Variants in LMCD1 observed in about 807,000 individuals in gnomAD.
LMCD1 encodes the protein LIM and cysteine rich domains 1.
A neutral mutation model predicts 42.7 loss-of-function variants in LMCD1; 32 were observed. The observed-to-expected ratio is 0.75, with a 90% CI of 0.57 to 1.01. The LOEUF (loss-of-function observed/expected upper bound fraction) is 1.01. LMCD1 is among the 50% of genes least tolerant of loss of function. The probability of loss-of-function intolerance (pLI) is 0.00; values close to 1 mark genes in which losing one functional copy is unlikely to be tolerated. For missense variants in LMCD1, 458 were observed against 483.1 expected (o/e 0.95, Z 0.49); for synonymous variants, 178 against 184.9 (o/e 0.96, Z 0.30).
chr3:8,513,788 TC>T (rs1222729040), intron 1 of LMCD1, among the ~76,000 whole-genome samples: 6 of 152,228 alleles, frequency 3.9e-5, no homozygotes, highest in African/African-American at 1.4e-4. Context: ...TTGTGTCTTT[TC>T]CTCTGGAGGC....
At chr3:8,542,026 T>C (rs1247347856) in intron 3 of LMCD1, among the ~76,000 whole-genome samples, 1 of 147,964 alleles carries the variant, frequency 6.8e-6, no homozygotes, top group Non-Finnish European at 1.5e-5. Flanking sequence ...TTTTTTTTTT[T>C]GTGACTGCTT....
At chr3:8,562,137 G>A (rs1299181958) in intron 4 of LMCD1, among the ~76,000 whole-genome samples, 1 of 152,124 alleles carries the variant, frequency 6.6e-6, no homozygotes, top group Non-Finnish European at 1.5e-5. Flanking sequence ...AATCCTAACT[G>A]AAGCTGAGGA....
chr3:8,521,985 A>C (rs1364937206), intron 1 of LMCD1, among the ~76,000 whole-genome samples: 1 of 152,092 alleles, frequency 6.6e-6, no homozygotes, highest in Non-Finnish European at 1.5e-5. Flanking sequence ...CAACCCCTCA[A>C]AAGGAAGCAC....
intron 1 of LMCD1, 47 bp downstream of exon 1, chr3:8,502,027 G>GT (rs5846598): frequency 1 from 1,554,950 of 1,554,966 alleles, 777,467 homozygotes; most frequent in Middle Eastern, 1. Context: ...ACTTTTTCTT[G>GT]TTCCCCTTCC....
chr3:8,525,722 A>G (rs902037844), intron 1 of LMCD1, among the ~76,000 whole-genome samples: 2 of 152,202 alleles, frequency 1.3e-5, no homozygotes, highest in Non-Finnish European at 2.9e-5. Flanking sequence ...TATTAAGACA[A>G]TGAGCTGAGA....
intron 3 of LMCD1, among the ~76,000 whole-genome samples, chr3:8,543,610 G>A (rs1694678963): frequency 6.6e-6 from 1 of 152,194 alleles, no homozygotes; most frequent in East Asian, 1.9e-4. Flanking sequence ...AGCCACTGAA[G>A]TAGCCAGGTC....
chr3:8,518,171 C>T (rs1310085193), intron 1 of LMCD1, among the ~76,000 whole-genome samples: 2 of 152,198 alleles, frequency 1.3e-5, no homozygotes, highest in Non-Finnish European at 2.9e-5. Context: ...GCTCCCCCAA[C>T]ACTTTGTCAG....
chr3:8,538,820 C>T (rs1436808430), intron 3 of LMCD1, among the ~76,000 whole-genome samples: 4 of 152,200 alleles, frequency 2.6e-5, no homozygotes, highest in Non-Finnish European at 4.4e-5. Flanking sequence ...TAAACCGTAA[C>T]ATCCCTGCAC....
At chr3:8,545,372 G>C (rs1224550741) in intron 3 of LMCD1, among the ~76,000 whole-genome samples, 1 of 152,150 alleles carries the variant, frequency 6.6e-6, no homozygotes, top group African/African-American at 2.4e-5. Context: ...GTGAATCTCT[G>C]ACTATAACTT....
intron 2 of LMCD1, among the ~76,000 whole-genome samples, chr3:8,534,965 A>C (rs1429715100): frequency 1.3e-5 from 2 of 152,202 alleles, no homozygotes; most frequent in Non-Finnish European, 2.9e-5. Context: ...AATGTTTTGC[A>C]TTCCCAGCCT....
intron 4 of LMCD1, among the ~76,000 whole-genome samples, chr3:8,552,154 G>C (rs1376012070): frequency 6.6e-6 from 1 of 152,200 alleles, no homozygotes; most frequent in East Asian, 1.9e-4. Context: ...CCTGAACCAA[G>C]GACAGGACTA....
intron 1 of LMCD1, among the ~76,000 whole-genome samples, chr3:8,515,814 G>C (rs975780336): frequency 6.6e-6 from 1 of 152,132 alleles, no homozygotes; most frequent in African/African-American, 2.4e-5. Flanking sequence ...AACAGCTGTG[G>C]AATAGAGGAG....
chr3:8,503,648 TCA>T (rs1693814668), intron 1 of LMCD1, among the ~76,000 whole-genome samples: 1 of 152,198 alleles, frequency 6.6e-6, no homozygotes, highest in East Asian at 1.9e-4. Context: ...TGTGGGTGAC[TCA>T]TGAGAATATC....
intron 1 of LMCD1, among the ~76,000 whole-genome samples, chr3:8,527,410 G>C (rs890509633): frequency 3.3e-5 from 5 of 152,178 alleles, no homozygotes; most frequent in Non-Finnish European, 7.3e-5. Context: ...TTATACTTCA[G>C]TGGGAAGTCA....
At position 8,543,397 on chromosome 3, in the gene LMCD1, TGATAGATAGATA is replaced by T. The variant is rs57434919; in HGVS notation, c.388-5136_388-5125del. Among the ~76,000 whole-genome samples the T allele has an allele frequency of 1.4e-3, 132 of 92,874 alleles. 1 individual carries two copies. Among genetic ancestry groups the T allele is most frequent in the East Asian group, 9.3e-3 (43 of 4,632 alleles). The allele number at this position is 92,874 out of a possible 152,430, so 60.9% of individuals were successfully genotyped here. On this transcript the variant is annotated intron_variant, in intron 3 of 5. Transcript: ENST00000157600. ...AACTGCTGATAGATAGATAGATAGATGATAGATAGATAGATAGATAGATAGATAGATAGATAG... is the reference window on the plus strand; with the variant it reads ...AACTGCTGATAGATAGATAGATAGATGATAGATAGATAGATAGATAGATAG...
intron 1 of LMCD1, among the ~76,000 whole-genome samples, chr3:8,507,024 T>C (rs1353618094): frequency 2.0e-5 from 3 of 152,222 alleles, no homozygotes; most frequent in Admixed American, 6.5e-5. Context: ...AGAGCCTTCG[T>C]TTAGAAATAT....
chr3:8,520,884 C>T (rs893889590), intron 1 of LMCD1, among the ~76,000 whole-genome samples: 2 of 152,200 alleles, frequency 1.3e-5, no homozygotes, highest in Non-Finnish European at 2.9e-5. Context: ...CTCTCACTGA[C>T]TGAATTAAGC....
chr3:8,549,949 G>A lies in LMCD1; in HGVS notation c.723+1046G>A, dbSNP rs1303148954. On this transcript the variant is annotated intron_variant, in intron 4 of 5. Transcript: ENST00000157600. ...GATTAATCCATTCCTGAGGACCTGA[G>A]CCCTCACGACCCAATCATCTCTTAA... 4.8e-6 allele frequency: 5 copies of A among 1,045,966 alleles called. No homozygotes were observed. In the East Asian group the frequency reaches 1.3e-4, roughly 27 times the overall value. 64.8% of individuals were successfully genotyped at this position (1,045,966 alleles called of 1,614,324 possible).
At chr3:8,506,937 A>G (rs971815615) in intron 1 of LMCD1, among the ~76,000 whole-genome samples, 4 of 152,284 alleles carry the variant, frequency 2.6e-5, no homozygotes, top group Admixed American at 2.6e-4. Flanking sequence ...TAGGCTTAAA[A>G]CTTCGTTCCA....
Sources: gnomAD v4.1 joint callset for allele counts (sites outside exome capture counted in the v4.1 genomes callset) on GRCh38, gnomAD v4.1.1 for gene constraint, MANE v1.5 for transcripts, NCBI Gene and HGNC (gene_info 2026-07-23, HGNC 2026-07-21) for gene names.